The following MND1 variants were observed in gnomAD, a reference collection of about 807,000 sequenced individuals.
MND1 encodes the protein meiotic nuclear division protein 1 homolog.
MND1 carries 28 observed loss-of-function variants against 35.1 expected under a neutral mutation model. The ratio of observed to expected loss-of-function variants is 0.80; its 90% CI spans 0.59 to 1.09. MND1 has a LOEUF of 1.09. MND1 is among the 50% of genes least tolerant of loss of function. The pLI is 0.00. For synonymous variants in MND1, 69 were observed against 70.5 expected (o/e 0.98, Z 0.11); for missense variants, 213 against 239.6 (o/e 0.89, Z 0.73).
intron 4 of MND1, among the ~76,000 whole-genome samples, chr4:153,365,521 G>A (rs757319871): frequency 1.3e-5 from 2 of 152,098 alleles, no homozygotes; most frequent in African/African-American, 4.8e-5. Flanking sequence ...CAACTGTAAA[G>A]TTACAGTGGT....
intron 1 of MND1, among the ~76,000 whole-genome samples, chr4:153,345,658 G>A (rs1310784398): frequency 3.3e-5 from 5 of 152,174 alleles, no homozygotes; most frequent in Non-Finnish European, 4.4e-5. Context: ...ATTTACTTAC[G>A]TGGCCGTTAA....
rs1269455288 is a variant in MND1, at chr4:153,376,356, A to AT, written c.276+17740dup. ...GAGTGTGTTTGTGGTCTTTCTGAAT[A>AT]TTTTTTCTAAGGAAAAGCCAGGTAA... is the stretch of plus-strand genomic sequence containing the variant. On this transcript the variant is annotated intron_variant, in intron 4 of 7. Transcript: ENST00000240488. 2.0e-5 allele frequency among the ~76,000 whole-genome samples: 3 copies of AT among 152,186 alleles called. No homozygotes were observed. In the East Asian group the frequency reaches 5.8e-4, roughly 29 times the overall value.
chr4:153,374,945 T>TA (rs1372329707), intron 4 of MND1, among the ~76,000 whole-genome samples: 2 of 152,044 alleles, frequency 1.3e-5, no homozygotes, highest in African/African-American at 2.4e-5. Context: ...TTTTGGGCAA[T>TA]AAAAAAATAA....
At chr4:153,379,539 A>AAAAT (rs200671010) in intron 4 of MND1, among the ~76,000 whole-genome samples, 4,491 of 151,352 alleles carry the variant, frequency 0.03, 107 homozygotes, top group South Asian at 0.13. Flanking sequence ...TCATCTCTGC[A>AAAAT]AAATAAATAA....
intron 4 of MND1, among the ~76,000 whole-genome samples, chr4:153,391,080 T>G (rs1051907879): frequency 2.6e-5 from 4 of 152,090 alleles, no homozygotes; most frequent in African/African-American, 7.2e-5. Context: ...TTGGAAAAAA[T>G]TATTTACTCC....
At position 153,344,717 on chromosome 4, in the gene MND1, G is replaced by A; in HGVS notation, c.-21G>A. 6.3e-7 allele frequency: 1 copy of A among 1,588,566 alleles called. No individual in the cohort carries two copies. Among genetic ancestry groups the A allele is most frequent in the South Asian group, 1.1e-5 (1 of 87,686 alleles). Reference sequence around the variant, plus strand: ...CTCCCCAAGCGCGGGCCCGGCCAGCGGAAGCCCCTGCGCCCGCGCCATGGT... The same window carrying A: ...CTCCCCAAGCGCGGGCCCGGCCAGCAGAAGCCCCTGCGCCCGCGCCATGGT... On this transcript the variant is annotated 5_prime_UTR_variant, in exon 1 of 8. Coordinates refer to ENST00000240488, the MANE Select transcript of MND1 (RefSeq NM_032117.4).
At chr4:153,390,611 C>A (rs1043356138) in intron 4 of MND1, among the ~76,000 whole-genome samples, 5 of 152,000 alleles carry the variant, frequency 3.3e-5, no homozygotes, top group African/African-American at 1.2e-4. Flanking sequence ...CTCTAGGAAG[C>A]CCAGGTGCAC....
At chr4:153,358,700 A>G in intron 4 of MND1, 78 bp downstream of exon 4, 1 of 1,423,176 alleles carries the variant, frequency 7.0e-7, no homozygotes, top group African/African-American at 1.4e-5. Context: ...TTTGTTTAGC[A>G]GTTTCTTTTG....
intron 4 of MND1, among the ~76,000 whole-genome samples, chr4:153,363,740 G>C (rs1206440601): frequency 6.6e-6 from 1 of 152,174 alleles, no homozygotes; most frequent in Non-Finnish European, 1.5e-5. Context: ...CTACCTAAGA[G>C]GGATGGAAAG....
intron 4 of MND1, among the ~76,000 whole-genome samples, chr4:153,368,129 G>C (rs1773702505): frequency 6.6e-6 from 1 of 152,070 alleles, no homozygotes; most frequent in South Asian, 2.1e-4. Flanking sequence ...CTTTATACAA[G>C]GTAATTTACT....
chr4:153,399,537 G>A (rs1375688978), intron 6 of MND1, among the ~76,000 whole-genome samples: 1 of 152,158 alleles, frequency 6.6e-6, no homozygotes, highest in Non-Finnish European at 1.5e-5. Context: ...GGGAAAACTT[G>A]TATTTTAGGC....
chr4:153,394,394 G>A (rs1333506757), intron 5 of MND1, 58 bp downstream of exon 5: 34 of 1,356,894 alleles, frequency 2.5e-5, no homozygotes, highest in South Asian at 5.0e-5. Context: ...TAGAGTAAGC[G>A]ACACAGAGCT....
At chr4:153,375,498 G>T (rs1237538631) in intron 4 of MND1, among the ~76,000 whole-genome samples, 1 of 152,036 alleles carries the variant, frequency 6.6e-6, no homozygotes, top group African/African-American at 2.4e-5. Context: ...CTTTAAAGCA[G>T]ATTACATTTA....
At chr4:153,395,752 C>G (rs1729182114) in intron 5 of MND1, among the ~76,000 whole-genome samples, 1 of 152,194 alleles carries the variant, frequency 6.6e-6, no homozygotes, top group African/African-American at 2.4e-5. Flanking sequence ...AGGCTAAATA[C>G]TTTGGCAAAG....
intron 4 of MND1, among the ~76,000 whole-genome samples, chr4:153,365,556 A>G (rs1773616842): frequency 6.6e-6 from 1 of 151,774 alleles, no homozygotes; most frequent in South Asian, 2.1e-4. Flanking sequence ...TATATTTTTT[A>G]TTTAAGAAAA....
intron 4 of MND1, among the ~76,000 whole-genome samples, chr4:153,393,707 G>A (rs1729111792): frequency 6.6e-6 from 1 of 151,778 alleles, no homozygotes; most frequent in African/African-American, 2.4e-5. Flanking sequence ...CTAAATAATA[G>A]ACCTCAAGTT....
chr4:153,361,565 C>T (rs58441115), intron 4 of MND1: 14 of 455,948 alleles, frequency 3.1e-5, no homozygotes, highest in African/African-American at 1.4e-4. Context: ...TCTGGCTGGG[C>T]GCAGTGGCTC....
intron 7 of MND1, among the ~76,000 whole-genome samples, chr4:153,412,165 G>A (rs530544614): frequency 1.3e-5 from 2 of 152,202 alleles, no homozygotes; most frequent in African/African-American, 4.8e-5. Context: ...AGTTAATTTT[G>A]TTAACATTAT....
At chr4:153,390,919 ATGTGTGTGTG>A (rs149830333) in intron 4 of MND1, among the ~76,000 whole-genome samples, 1 of 124,646 alleles carries the variant, frequency 8.0e-6, no homozygotes, top group African/African-American at 3.0e-5. Flanking sequence ...GTGTGTGTAT[ATGTGTGTGTG>A]TGTGTGTGTG....
Sources: allele counts gnomAD v4.1 joint callset (sites outside exome capture counted in the v4.1 genomes callset), GRCh38; gene constraint gnomAD v4.1.1; transcripts MANE v1.5; gene names NCBI Gene and HGNC (gene_info 2026-07-23, HGNC 2026-07-21).